Variants in LIMD1 observed in about 807,000 individuals in gnomAD.
LIMD1 encodes LIM domain-containing protein 1.
LIMD1 carries 23 observed loss-of-function variants against 58.4 expected under a neutral mutation model. The observed-to-expected ratio is 0.39, with a 90% confidence interval of 0.28 to 0.56. The LOEUF is 0.56. LIMD1 is among the 20% of genes least tolerant of loss of function. The pLI is 0.57. For synonymous variants in LIMD1, 334 were observed against 345.5 expected, an observed-to-expected ratio of 0.97 and a Z score of 0.37; for missense variants, 838 against 855.5, an observed-to-expected ratio of 0.98 and a Z score of 0.25.
intron 1 of LIMD1, among the ~76,000 whole-genome samples, chr3:45,606,486 C>T (rs939551048): frequency 3.9e-5 from 6 of 152,204 alleles, no homozygotes; most frequent in African/African-American, 7.2e-5. Context: ...ACTCTTGCAA[C>T]GAGAGGCTGT....
chr3:45,638,756 C>G (rs1701813165), intron 2 of LIMD1, among the ~76,000 whole-genome samples: 1 of 151,922 alleles, frequency 6.6e-6, no homozygotes, highest in Non-Finnish European at 1.5e-5. Context: ...CTAATTTACA[C>G]TCCCACCAAC....
chr3:45,632,244 G>C (rs1701740991), intron 1 of LIMD1, among the ~76,000 whole-genome samples: 1 of 152,172 alleles, frequency 6.6e-6, no homozygotes, highest in Admixed American at 6.5e-5. Context: ...ACTTACGATG[G>C]GTAATCTGGA....
chr3:45,642,897 C>T (rs955913986), intron 2 of LIMD1, among the ~76,000 whole-genome samples: 6 of 152,226 alleles, frequency 3.9e-5, no homozygotes, highest in South Asian at 2.1e-4. Flanking sequence ...GTTTGGTTGC[C>T]GTGGAGATGA....
intron 2 of LIMD1, among the ~76,000 whole-genome samples, chr3:45,652,543 G>T (rs577495109): frequency 6.6e-6 from 1 of 152,158 alleles, no homozygotes; most frequent in Admixed American, 6.5e-5. Flanking sequence ...AATCTTCTGA[G>T]CATTGTTCTG....
chr3:45,649,686 A>T (rs1701944033), intron 2 of LIMD1, among the ~76,000 whole-genome samples: 1 of 141,918 alleles, frequency 7.0e-6, no homozygotes, highest in Non-Finnish European at 1.5e-5. Flanking sequence ...GTCTCAAAAA[A>T]AAAAAAATTA....
At position 45,672,758 on chromosome 3, in the gene LIMD1, G is replaced by A. The variant is rs762315323; in HGVS notation, c.1710G>A (p.Leu570=). 6.2e-7 allele frequency: 1 copy of A among 1,614,020 alleles called. No homozygotes were observed. Among genetic ancestry groups the A allele is most frequent in the Non-Finnish European group, 8.5e-7 (1 of 1,179,952 alleles). The change falls in exon 5 of 8, where the codon TTG becomes TTA. Residue 570 remains leucine, a synonymous_variant. Coordinates refer to ENST00000273317, the MANE Select transcript of LIMD1 (RefSeq NM_014240.3). ...GCTGTGTCATCTGTAATGAGTGTTT[G>A]GATGGGGTGCCCTTCACCGTGGACT... ...CFRCVICNEC[L]DGVPFTVDSE... is the part of the protein sequence containing the mutation.
chr3:45,595,096 G>T lies in LIMD1; in HGVS notation c.217G>T (p.Gly73Trp), dbSNP rs763102347. The T allele has an allele frequency of 6.2e-7, 1 of 1,612,514 alleles. No individual in the cohort carries two copies. Among genetic ancestry groups the T allele is most frequent in the Non-Finnish European group, 8.5e-7 (1 of 1,179,552 alleles). ...CCTGCAGGAGGAGACTCTGCCCAGG[G>T]GGAGTAGAGGCCCTGTCAATGGAGG... is the stretch of plus-strand genomic sequence containing the variant. ...QLLQEETLPR[G>W]SRGPVNGGGR... is the part of the protein sequence containing the mutation. The change falls in exon 1 of 8, where the codon GGG becomes TGG. Residue 73 changes from glycine (G) to tryptophan (W), a missense_variant. This residue lies in a region of LIMD1 where 659 missense variants were observed against 639.8 expected (regional missense o/e 1.03). Transcript: ENST00000273317.
chr3:45,657,733 A>G (rs1468521686), intron 2 of LIMD1, among the ~76,000 whole-genome samples: 4 of 152,104 alleles, frequency 2.6e-5, no homozygotes, highest in African/African-American at 9.7e-5. Context: ...GTAAGCCTCA[A>G]TTTCCTTACT....
intron 1 of LIMD1, among the ~76,000 whole-genome samples, chr3:45,607,997 A>G (rs1480937011): frequency 1.3e-5 from 2 of 152,206 alleles, no homozygotes; most frequent in African/African-American, 4.8e-5. Flanking sequence ...CTCAGTTTGC[A>G]TTCCTTCCTG....
chr3:45,638,583 G>A (rs1000635496), intron 2 of LIMD1, among the ~76,000 whole-genome samples: 3 of 152,170 alleles, frequency 2.0e-5, no homozygotes, highest in Admixed American at 6.5e-5. Flanking sequence ...CCATGTCTTT[G>A]CTATTGTGAA....
At chr3:45,646,280 G>T (rs1179561002) in intron 2 of LIMD1, among the ~76,000 whole-genome samples, 1 of 152,226 alleles carries the variant, frequency 6.6e-6, no homozygotes, top group African/African-American at 2.4e-5. Context: ...CCCTCACTGT[G>T]CGTCAGTCGC....
intron 2 of LIMD1, among the ~76,000 whole-genome samples, chr3:45,644,408 C>T (rs568889361): frequency 3.3e-5 from 5 of 152,260 alleles, no homozygotes; most frequent in South Asian, 2.1e-4. Flanking sequence ...GGAGGTCTTC[C>T]TTTAATTCAT....
At chr3:45,651,638 A>AT (rs1205191026) in intron 2 of LIMD1, among the ~76,000 whole-genome samples, 4,579 of 148,858 alleles carry the variant, frequency 0.031, 77 homozygotes, top group Non-Finnish European at 0.041. Flanking sequence ...TCAGATGGTT[A>AT]TTTTTTTTTT....
intron 1 of LIMD1, among the ~76,000 whole-genome samples, chr3:45,621,334 A>G (rs986568246): frequency 1.3e-5 from 2 of 152,030 alleles, no homozygotes; most frequent in African/African-American, 2.4e-5. Context: ...GGCTCGAACA[A>G]TCCTCCCACT....
intron 2 of LIMD1, among the ~76,000 whole-genome samples, chr3:45,662,358 C>G (rs1198170580): frequency 1.3e-5 from 2 of 151,378 alleles, no homozygotes; most frequent in African/African-American, 4.9e-5. Context: ...TACCTGTCAC[C>G]CAGAATGCAC....
intron 1 of LIMD1, among the ~76,000 whole-genome samples, chr3:45,619,112 T>C (rs979835730): frequency 2.6e-5 from 4 of 152,222 alleles, no homozygotes; most frequent in Non-Finnish European, 5.9e-5. Flanking sequence ...TTTTTGTTGC[T>C]TGTCTTATCT....
In LIMD1 at chr3:45,683,273, G is replaced by A. The variant is rs1446322577; in HGVS notation, c.*6214G>A. The A allele has an allele frequency of 3.9e-5, 6 of 152,192 alleles. No homozygotes were observed. The East Asian group carries it at 9.6e-4, about 24-fold the overall frequency. The allele number at this position is 152,192 out of a possible 1,614,324, so 9.4% of individuals were successfully genotyped here. A position where few individuals can be genotyped will look rare whatever the true frequency, so the allele number is the denominator to read the frequency against. On this transcript the variant is annotated 3_prime_UTR_variant, in exon 8 of 8. Transcript: ENST00000273317. ...AGGGAAGCAGGAGATAGGGTCTGGA[G>A]GCATGGAATTGGCTTCCTAAGGCCA...
chr3:45,618,222 G>A (rs1701592835), intron 1 of LIMD1, among the ~76,000 whole-genome samples: 1 of 152,198 alleles, frequency 6.6e-6, no homozygotes, highest in African/African-American at 2.4e-5. Flanking sequence ...TGGGAGCAGG[G>A]AGCTGTGAGA....
intron 2 of LIMD1, among the ~76,000 whole-genome samples, chr3:45,664,619 G>A (rs541966346): frequency 2.0e-5 from 3 of 152,272 alleles, no homozygotes; most frequent in Admixed American, 6.5e-5. Flanking sequence ...TTTCCGCTGC[G>A]TTGATGCTTT....
Sources: allele counts gnomAD v4.1 joint callset (sites outside exome capture counted in the v4.1 genomes callset), GRCh38; gene constraint gnomAD v4.1.1; regional missense constraint gnomAD v4.1.1; transcripts MANE v1.5; gene names NCBI Gene and HGNC (gene_info 2026-07-23, HGNC 2026-07-21).